Variants in TSHZ2 observed in about 807,000 individuals in gnomAD.
The protein encoded by TSHZ2 is teashirt zinc finger homeobox 2.
TSHZ2 carries 21 observed loss-of-function variants against 74.4 expected under a neutral mutation model. That is an observed-to-expected ratio of 0.28 (90% CI 0.20 to 0.41). TSHZ2 has a LOEUF of 0.41. TSHZ2 is among the 10% of genes least tolerant of loss of function. The pLI, the probability that TSHZ2 is intolerant of heterozygous loss-of-function variation, is 1.00. For missense variants in TSHZ2, 1,244 were observed against 1,293.5 expected (o/e 0.96, Z 0.59); for synonymous variants, 540 against 515.3 (o/e 1.05, Z -0.65).
chr20:53,003,302 T>TCCTAAATAAA (rs1162021898), intron 1 of TSHZ2, among the ~76,000 whole-genome samples: 4 of 135,700 alleles, frequency 2.9e-5, no homozygotes, highest in Non-Finnish European at 4.7e-5. Context: ...GTGTGAAATT[T>TCCTAAATAAA]TTTCCTAAAT....
chr20:53,216,741 T>G (rs1989443158), intron 1 of TSHZ2, among the ~76,000 whole-genome samples: 1 of 152,208 alleles, frequency 6.6e-6, no homozygotes, highest in South Asian at 2.1e-4. Context: ...TGCTTTAATA[T>G]TTCTCTATAA....
At chr20:53,360,141 GA>G (rs1402150036) in intron 2 of TSHZ2, among the ~76,000 whole-genome samples, 1 of 152,130 alleles carries the variant, frequency 6.6e-6, no homozygotes, top group African/African-American at 2.4e-5. Context: ...GCATCTTAAT[GA>G]AAAAATCAAG....
Position 53,254,443 on chromosome 20 carries a change from C to T in TSHZ2, c.985C>T (p.Arg329Trp), listed in dbSNP as rs762775654. The change falls in exon 2 of 3, where the codon CGG becomes TGG. Residue 329 changes from arginine to tryptophan, a missense_variant. Arg to Trp is a moderately radical substitution (Grantham distance 101). This residue lies in a region of TSHZ2 where 470 missense variants were observed against 456.5 expected (regional missense o/e 1.03). Transcript: ENST00000371497. Reference sequence around the variant, plus strand: ...TAAGAAACGCGTTTTTGATGTCAATCGGCCGTGTTCCCCCGATTCAACCAC... The same window carrying T: ...TAAGAAACGCGTTTTTGATGTCAATTGGCCGTGTTCCCCCGATTCAACCAC... ...PAKKRVFDVN[R>W]PCSPDSTTGS... 4 of 1,613,490 alleles carry T rather than the reference C, an allele frequency of 2.5e-6. No homozygotes were observed. The highest frequency in any genetic ancestry group is 3.4e-6 in the Non-Finnish European group (4 of 1,179,458).
chr20:53,145,428 A>G (rs1987516573), intron 1 of TSHZ2, among the ~76,000 whole-genome samples: 1 of 152,156 alleles, frequency 6.6e-6, no homozygotes, highest in African/African-American at 2.4e-5. Context: ...GACACCTTGT[A>G]TCAAGAATTT....
chr20:53,294,227 G>T (rs897476213), intron 2 of TSHZ2, among the ~76,000 whole-genome samples: 3 of 152,138 alleles, frequency 2.0e-5, no homozygotes, highest in African/African-American at 7.2e-5. Flanking sequence ...CTCAAAGGTT[G>T]TTAGGCAGAT....
intron 1 of TSHZ2, among the ~76,000 whole-genome samples, chr20:53,117,649 T>A (rs1355674830): frequency 6.6e-6 from 1 of 152,184 alleles, no homozygotes; most frequent in Non-Finnish European, 1.5e-5. Context: ...AACAAGAGTG[T>A]ATCAAGGAGA....
chr20:53,370,668 G>T (rs1294541753), intron 2 of TSHZ2, among the ~76,000 whole-genome samples: 1 of 152,180 alleles, frequency 6.6e-6, no homozygotes, highest in Non-Finnish European at 1.5e-5. Context: ...GGGGGCTGAG[G>T]TGGGAAGATC....
At chr20:53,401,977 G>A (rs1982682059) in intron 2 of TSHZ2, among the ~76,000 whole-genome samples, 1 of 151,824 alleles carries the variant, frequency 6.6e-6, no homozygotes, top group African/African-American at 2.4e-5. Flanking sequence ...TACAGATGGG[G>A]TTTCATCGTG....
chr20:53,221,039 G>A (rs1441939257), intron 1 of TSHZ2, among the ~76,000 whole-genome samples: 1 of 152,198 alleles, frequency 6.6e-6, no homozygotes, highest in African/African-American at 2.4e-5. Context: ...GGACCCAGTA[G>A]GAGATAACTG....
rs1983626717 is a variant in TSHZ2, at chr20:53,031,270, G to GC, written c.40+57939dup. ...GCTATCGCAGCCTGTCATGTCTGGGGCCTGGAGGTCCTCTCTGATGTAAAT... is the reference window on the plus strand; with the variant it reads ...GCTATCGCAGCCTGTCATGTCTGGGGCCCTGGAGGTCCTCTCTGATGTAAAT... On this transcript the variant is annotated intron_variant, in intron 1 of 2. Coordinates refer to ENST00000371497, the MANE Select transcript of TSHZ2 (RefSeq NM_173485.6). Among the ~76,000 whole-genome samples, 3 of 152,286 alleles carry GC rather than the reference G, an allele frequency of 2.0e-5. No individual in the cohort carries two copies. The South Asian group carries it at 6.2e-4, about 32-fold the overall frequency.
chr20:53,226,790 T>C (rs367957016), intron 1 of TSHZ2, among the ~76,000 whole-genome samples: 10 of 152,220 alleles, frequency 6.6e-5, no homozygotes, highest in Admixed American at 6.5e-5. Flanking sequence ...AGCACCCCCA[T>C]TCCTACCTCA....
chr20:53,482,532 C>T (rs975398765), intron 2 of TSHZ2, among the ~76,000 whole-genome samples: 2 of 152,190 alleles, frequency 1.3e-5, no homozygotes, highest in Non-Finnish European at 2.9e-5. Flanking sequence ...GTCATTTGTG[C>T]TTATTTCACA....
Position 53,222,918 on chromosome 20 carries a change from G to T in TSHZ2, c.41-30581G>T, listed in dbSNP as rs183664049. 3.3e-5 allele frequency among the ~76,000 whole-genome samples: 5 copies of T among 152,240 alleles called. No individual in the cohort carries two copies. The South Asian group carries it at 6.2e-4, about 19-fold the overall frequency. ...TTTAGTGTCTTACCCTTCATATCTA[G>T]AGTTGCATTGTCCAGAAAAAAAGCT... On this transcript the variant is annotated intron_variant, in intron 1 of 2. Transcript: ENST00000371497.
chr20:53,390,142 G>C (rs1439467718), intron 2 of TSHZ2, among the ~76,000 whole-genome samples: 1 of 152,182 alleles, frequency 6.6e-6, no homozygotes, highest in Non-Finnish European at 1.5e-5. Context: ...CCTAGTGACA[G>C]GCTACAACTT....
intron 1 of TSHZ2, among the ~76,000 whole-genome samples, chr20:53,193,843 G>A (rs971627767): frequency 1.3e-5 from 2 of 151,328 alleles, no homozygotes; most frequent in African/African-American, 4.9e-5. Context: ...TTGAACCTGA[G>A]GGAGTTGACA....
intron 2 of TSHZ2, among the ~76,000 whole-genome samples, chr20:53,274,488 A>C (rs1461629720): frequency 6.6e-6 from 1 of 152,108 alleles, no homozygotes; most frequent in East Asian, 1.9e-4. Context: ...GGAGGAACAC[A>C]TTGTCTTTTT....
intron 1 of TSHZ2, among the ~76,000 whole-genome samples, chr20:53,244,076 C>T (rs971634151): frequency 6.6e-6 from 1 of 152,152 alleles, no homozygotes; most frequent in African/African-American, 2.4e-5. Context: ...CCTTCTAGCT[C>T]TGTGGGATGG....
intron 2 of TSHZ2, among the ~76,000 whole-genome samples, chr20:53,373,207 A>G (rs1024018716): frequency 6.6e-6 from 1 of 152,224 alleles, no homozygotes; most frequent in South Asian, 2.1e-4. Context: ...GTTTTCTATA[A>G]TTCTGAACAT....
Position 53,459,382 on chromosome 20 carries a change from C to T in TSHZ2, c.*9-27762C>T, listed in dbSNP as rs1348803674. ...TTATCAGAGACCAGGATTGCAACCC[C>T]TGCCTTTTTTTGTTTTCCATTTGCT... On this transcript the variant is annotated intron_variant, in intron 2 of 2. Transcript: ENST00000371497. Among the ~76,000 whole-genome samples, 4 of 151,924 alleles carry T rather than the reference C, an allele frequency of 2.6e-5. No homozygotes were observed. In the East Asian group the frequency reaches 7.7e-4, roughly 29 times the overall value.
Sources: allele counts gnomAD v4.1 joint callset (sites outside exome capture counted in the v4.1 genomes callset), GRCh38; gene constraint gnomAD v4.1.1; regional missense constraint gnomAD v4.1.1; transcripts MANE v1.5; gene names NCBI Gene and HGNC (gene_info 2026-07-23, HGNC 2026-07-21).